NAV3: variants seen among roughly 807,000 people sequenced by gnomAD.
NAV3 encodes pore membrane and/or filament interacting like protein 1.
A neutral mutation model predicts 244.7 loss-of-function variants in NAV3; 87 were observed. The observed-to-expected ratio is 0.36, with a 90% CI of 0.30 to 0.42. The LOEUF (loss-of-function observed/expected upper bound fraction) is 0.42. Among genes scored for constraint, NAV3 ranks in the 20% least tolerant of loss-of-function variants. The pLI, the probability that NAV3 is intolerant of heterozygous loss-of-function variation, is 1.00. For missense variants in NAV3, 2,663 were observed against 2,893.3 expected, an observed-to-expected ratio of 0.92 and a Z score of 1.83; for synonymous variants, 1,126 against 1,042.2, an observed-to-expected ratio of 1.08 and a Z score of -1.55.
chr12:78,001,757 G>A (rs1193791686), intron 7 of NAV3, among the ~76,000 whole-genome samples: 1 of 152,192 alleles, frequency 6.6e-6, no homozygotes, highest in African/African-American at 2.4e-5. Context: ...AAATAGAAAC[G>A]TTACAATGGG....
chr12:78,193,532 C>T (rs1363858578), intron 34 of NAV3, among the ~76,000 whole-genome samples: 2 of 152,102 alleles, frequency 1.3e-5, no homozygotes, highest in Admixed American at 6.6e-5. Context: ...GGATTCATCT[C>T]ATTGCCAACT....
chr12:77,698,731 G>T (rs187167391), intron 2 of NAV3, among the ~76,000 whole-genome samples: 356 of 152,296 alleles, frequency 2.3e-3, no homozygotes, highest in African/African-American at 6.3e-3. Context: ...GAATACGGTT[G>T]AGGTATCCTC....
At chr12:78,118,415 C>A in intron 14 of NAV3, 118 bp downstream of exon 14, 1 of 1,317,154 alleles carries the variant, frequency 7.6e-7, no homozygotes, top group Non-Finnish European at 1.0e-6. Context: ...CCATATTAAA[C>A]ATGGAGTCAA....
intron 1 of NAV3, among the ~76,000 whole-genome samples, chr12:77,866,748 A>G (rs1479291674): frequency 6.6e-6 from 1 of 152,232 alleles, no homozygotes; most frequent in African/African-American, 2.4e-5. Flanking sequence ...AATAACTTGA[A>G]TAACATTCAA....
intron 7 of NAV3, among the ~76,000 whole-genome samples, chr12:78,005,031 G>A (rs1011810516): frequency 3.9e-5 from 6 of 152,148 alleles, no homozygotes; most frequent in African/African-American, 7.2e-5. Context: ...TAAGGAAAGA[G>A]CACCTTCTCT....
intron 2 of NAV3, among the ~76,000 whole-genome samples, chr12:77,699,993 G>A (rs1209592156): frequency 6.6e-6 from 1 of 152,036 alleles, no homozygotes; most frequent in Non-Finnish European, 1.5e-5. Context: ...GTTTTGTTTT[G>A]GCACAGGCCT....
chr12:78,087,894 T>A (rs2137949916), intron 12 of NAV3, among the ~76,000 whole-genome samples: 1 of 151,942 alleles, frequency 6.6e-6, no homozygotes, highest in African/African-American at 2.4e-5. Flanking sequence ...TCAACATAAT[T>A]AATATGAACT....
At chr12:77,677,687 G>A (rs189878113) in intron 2 of NAV3, among the ~76,000 whole-genome samples, 27 of 152,328 alleles carry the variant, frequency 1.8e-4, no homozygotes, top group African/African-American at 3.6e-4. Flanking sequence ...AGTAATTAGC[G>A]CATTGCTTTG....
chr12:78,099,934 G>A (rs536985233), intron 12 of NAV3, among the ~76,000 whole-genome samples: 150 of 151,878 alleles, frequency 9.9e-4, no homozygotes, highest in African/African-American at 3.2e-3. Context: ...CTTGTATAAA[G>A]AACAAGAGCT....
intron 2 of NAV3, among the ~76,000 whole-genome samples, chr12:77,589,949 G>A (rs1401982549): frequency 6.6e-6 from 1 of 152,206 alleles, no homozygotes; most frequent in Non-Finnish European, 1.5e-5. Flanking sequence ...GACAGTAACA[G>A]TCTTTTCCCA....
intron 2 of NAV3, among the ~76,000 whole-genome samples, chr12:77,576,823 C>A (rs1534251): frequency 1.1e-4 from 17 of 151,842 alleles, no homozygotes; most frequent in South Asian, 2.1e-4. Context: ...AAAGAATGGC[C>A]TCATTAAATG....
intron 1 of NAV3, among the ~76,000 whole-genome samples, chr12:77,884,768 G>A (rs1363573974): frequency 6.6e-6 from 1 of 151,960 alleles, no homozygotes; most frequent in Non-Finnish European, 1.5e-5. Context: ...CAGTTCTCTA[G>A]GTATTCCTTA....
chr12:77,989,469 C>A (rs1618128), intron 5 of NAV3, among the ~76,000 whole-genome samples: 148,970 of 151,256 alleles, frequency 0.98, 73,391 homozygotes, highest in Non-Finnish European at 1. Context: ...AACCAACCAA[C>A]CAAACAAACA....
intron 1 of NAV3, among the ~76,000 whole-genome samples, chr12:77,875,195 T>C (rs543558736): frequency 6.6e-6 from 1 of 152,232 alleles, no homozygotes; most frequent in Non-Finnish European, 1.5e-5. Flanking sequence ...AAGTTATAAA[T>C]GTTTAAATTG....
chr12:78,067,458 A>T (rs1400287918), intron 12 of NAV3, among the ~76,000 whole-genome samples: 3 of 152,104 alleles, frequency 2.0e-5, no homozygotes, highest in African/African-American at 4.8e-5. Context: ...TCTGCTCATG[A>T]TTGCAAGAAT....
At chr12:77,952,153 G>A (rs755527379) in intron 3 of NAV3, among the ~76,000 whole-genome samples, 2 of 150,946 alleles carry the variant, frequency 1.3e-5, no homozygotes, top group African/African-American at 2.4e-5. Context: ...TGTGTCTTCT[G>A]TAAATATTTC....
chr12:77,826,528 G>A (rs1305204222), upstream of NAV3, among the ~76,000 whole-genome samples: 1 of 151,996 alleles, frequency 6.6e-6, no homozygotes, highest in East Asian at 1.9e-4. Context: ...TCCCACACTG[G>A]AAACAAATCA....
chr12:78,005,294 C>T (rs1874006913), intron 7 of NAV3, among the ~76,000 whole-genome samples: 1 of 152,138 alleles, frequency 6.6e-6, no homozygotes, highest in Non-Finnish European at 1.5e-5. Flanking sequence ...TCAGAGCTAG[C>T]CAAGGTTCTG....
chr12:77,993,755 G>A (rs1399101217), intron 5 of NAV3, among the ~76,000 whole-genome samples: 1 of 152,100 alleles, frequency 6.6e-6, no homozygotes, highest in Non-Finnish European at 1.5e-5. Flanking sequence ...ACTACATCAG[G>A]ACTCCAAGTG....
Sources: allele counts gnomAD v4.1 joint callset (sites outside exome capture counted in the v4.1 genomes callset), GRCh38; gene constraint gnomAD v4.1.1; transcripts MANE v1.5; gene names NCBI Gene and HGNC (gene_info 2026-07-23, HGNC 2026-07-21).